The following MARK1 variants were observed in gnomAD, a reference collection of about 807,000 sequenced individuals.
The protein encoded by MARK1 is serine/threonine-protein kinase MARK1.
A neutral mutation model predicts 96.3 loss-of-function variants in MARK1; 40 were observed. The ratio of observed to expected loss-of-function variants is 0.42; its 90% CI spans 0.32 to 0.54. The LOEUF (loss-of-function observed/expected upper bound fraction) is 0.54, where lower values mean the gene tolerates loss of function less well. Among genes scored for constraint, MARK1 ranks in the 20% least tolerant of loss-of-function variants. The pLI is 0.16. For missense variants in MARK1, 719 were observed against 984.6 expected (o/e 0.73, Z 3.61); for synonymous variants, 317 against 341.2 (o/e 0.93, Z 0.78).
At chr1:220,557,646 A>T (rs1211404478) in intron 1 of MARK1, among the ~76,000 whole-genome samples, 1 of 152,214 alleles carries the variant, frequency 6.6e-6, no homozygotes, top group African/African-American at 2.4e-5. Context: ...ATTACAAAAA[A>T]AATATAGTTC....
intron 6 of MARK1, 28 bp from the exon 7 acceptor site, chr1:220,615,911 G>A (rs752423023): frequency 1.6e-6 from 2 of 1,281,608 alleles, no homozygotes; most frequent in Admixed American, 4.3e-5. Context: ...TTAATAATTT[G>A]ACTCTTTTAT....
intron 1 of MARK1, among the ~76,000 whole-genome samples, chr1:220,550,575 ACTCCTGGGG>A (rs1421684647): frequency 6.6e-6 from 1 of 152,072 alleles, no homozygotes; most frequent in East Asian, 1.9e-4. Context: ...CTGGTATCAA[ACTCCTGGGG>A]CTCAAGCAAT....
Position 220,653,256 on chromosome 1 carries a change from C to T in MARK1, c.1892C>T (p.Pro631Leu), listed in dbSNP as rs1668985458. 6.2e-7 allele frequency: 1 copy of T among 1,614,244 alleles called. No individual in the cohort carries two copies. Among genetic ancestry groups the T allele is most frequent in the Non-Finnish European group, 8.5e-7 (1 of 1,180,046 alleles). The change falls in exon 16 of 18, where the codon CCT (proline) becomes CTT (leucine). Residue 631 changes from proline (P) to leucine (L), a missense_variant. Coordinates refer to ENST00000366917, the MANE Select transcript of MARK1 (RefSeq NM_018650.5). Reference sequence around the variant, plus strand: ...CGCAGCGTTGCTTATAATGGGCCACCTGCTTCACCATCCCATGAAACGGGT... The same window carrying T: ...CGCAGCGTTGCTTATAATGGGCCACTTGCTTCACCATCCCATGAAACGGGT... ...ERRSVAYNGP[P>L]ASPSHETGAF...
chr1:220,631,207 T>C, intron 10 of MARK1, 73 bp downstream of exon 10: 1 of 894,376 alleles, frequency 1.1e-6, no homozygotes, highest in Non-Finnish European at 1.8e-6. Context: ...GCCAAAATAG[T>C]GTTTAAGAGT....
At chr1:220,626,570 T>C in intron 9 of MARK1, 1 of 420,276 alleles carries the variant, frequency 2.4e-6, no homozygotes. Context: ...ATGCCTGTTC[T>C]CAGCATTTTG....
At chr1:220,551,960 C>G (rs1661894698) in intron 1 of MARK1, among the ~76,000 whole-genome samples, 1 of 152,186 alleles carries the variant, frequency 6.6e-6, no homozygotes, top group Non-Finnish European at 1.5e-5. Context: ...CTTGCCTGCA[C>G]TGGGTTATTG....
intron 1 of MARK1, among the ~76,000 whole-genome samples, chr1:220,561,941 A>G (rs1662695088): frequency 6.6e-6 from 1 of 152,226 alleles, no homozygotes; most frequent in South Asian, 2.1e-4. Context: ...GGGAAAACTT[A>G]CCATGAGAAG....
At chr1:220,569,996 G>A (rs1349365208) in intron 1 of MARK1, among the ~76,000 whole-genome samples, 1 of 152,070 alleles carries the variant, frequency 6.6e-6, no homozygotes, top group Non-Finnish European at 1.5e-5. Flanking sequence ...GATTCAGAAA[G>A]TGTAGCACCT....
intron 3 of MARK1, among the ~76,000 whole-genome samples, chr1:220,585,052 A>T (rs1358989440): frequency 6.6e-6 from 1 of 152,244 alleles, no homozygotes; most frequent in Admixed American, 6.5e-5. Context: ...TTGTGAAATG[A>T]TATGTAGACT....
intron 6 of MARK1, among the ~76,000 whole-genome samples, chr1:220,605,887 G>T (rs2102927770): frequency 6.6e-6 from 1 of 152,228 alleles, no homozygotes; most frequent in South Asian, 2.1e-4. Flanking sequence ...GTGTATATGT[G>T]CCACATTTTC....
intron 2 of MARK1, among the ~76,000 whole-genome samples, chr1:220,580,625 C>A (rs1315478681): frequency 6.6e-6 from 1 of 152,182 alleles, no homozygotes; most frequent in East Asian, 1.9e-4. Context: ...CTGGGCAGAG[C>A]CTTAGATATT....
intron 1 of MARK1, among the ~76,000 whole-genome samples, chr1:220,561,388 A>T (rs1572083027): frequency 6.6e-6 from 1 of 151,974 alleles, no homozygotes; most frequent in East Asian, 1.9e-4. Flanking sequence ...TTTTAAGTTC[A>T]TCAGCTGTCA....
intron 1 of MARK1, among the ~76,000 whole-genome samples, chr1:220,549,810 T>A (rs1661741334): frequency 6.6e-6 from 1 of 152,252 alleles, no homozygotes; most frequent in Non-Finnish European, 1.5e-5. Context: ...ACATTGGGCA[T>A]GTCTCCTTAT....
intron 11 of MARK1, among the ~76,000 whole-genome samples, chr1:220,634,768 C>T (rs1011070533): frequency 2.0e-5 from 3 of 152,116 alleles, no homozygotes; most frequent in African/African-American, 7.2e-5. Context: ...GATAGTGTGT[C>T]AACCTGCAGT....
intron 1 of MARK1, among the ~76,000 whole-genome samples, chr1:220,561,567 A>G (rs1662670655): frequency 6.6e-6 from 1 of 152,222 alleles, no homozygotes; most frequent in African/African-American, 2.4e-5. Flanking sequence ...AAGGTCAAAC[A>G]GAGTTTGATA....
chr1:220,658,058 A>G (rs568523896), intron 17 of MARK1, among the ~76,000 whole-genome samples: 2 of 152,236 alleles, frequency 1.3e-5, no homozygotes, highest in Non-Finnish European at 2.9e-5. Context: ...TACTTGGTAT[A>G]GAAATAGGCT....
chr1:220,624,157 G>A (rs11808016), intron 9 of MARK1, among the ~76,000 whole-genome samples: 1 of 151,612 alleles, frequency 6.6e-6, no homozygotes, highest in Non-Finnish European at 1.5e-5. Flanking sequence ...AATTAGCTGG[G>A]CATGGTGGCG....
intron 12 of MARK1, 73 bp downstream of exon 12, chr1:220,635,602 A>G (rs1667917629): frequency 1.1e-5 from 17 of 1,485,702 alleles, no homozygotes; most frequent in Non-Finnish European, 1.4e-5. Flanking sequence ...AGCATTGTAC[A>G]TTCACGTCTC....
chr1:220,528,999 G>C (rs1660119908), intron 1 of MARK1, 126 bp downstream of exon 1: 1 of 905,512 alleles, frequency 1.1e-6, no homozygotes, highest in Non-Finnish European at 1.7e-6. Flanking sequence ...TCCACCTGGA[G>C]CCCGGCGTGA....
Sources: allele counts gnomAD v4.1 joint callset (sites outside exome capture counted in the v4.1 genomes callset), GRCh38; gene constraint gnomAD v4.1.1; transcripts MANE v1.5; gene names NCBI Gene and HGNC (gene_info 2026-07-23, HGNC 2026-07-21).